SPOCK3: variants seen among roughly 807,000 people sequenced by gnomAD.
The protein encoded by SPOCK3 is testican-3.
A neutral mutation model predicts 56.6 loss-of-function variants in SPOCK3; 30 were observed. The ratio of observed to expected loss-of-function variants is 0.53; its 90% CI spans 0.40 to 0.72. SPOCK3 has a LOEUF of 0.72. SPOCK3 is among the 30% of genes least tolerant of loss of function. SPOCK3 has a pLI of 0.00. For missense variants in SPOCK3, 527 were observed against 530.0 expected (o/e 0.99, Z 0.06); for synonymous variants, 196 against 183.3 (o/e 1.07, Z -0.56).
chr4:166,822,250 GT>G (rs944528769), intron 6 of SPOCK3, among the ~76,000 whole-genome samples: 59 of 152,002 alleles, frequency 3.9e-4, no homozygotes, highest in Admixed American at 2.2e-3. Flanking sequence ...TCTTATCCTT[GT>G]TTTCCCGCTG....
At chr4:166,927,876 C>G (rs1739296753) in intron 4 of SPOCK3, among the ~76,000 whole-genome samples, 1 of 151,860 alleles carries the variant, frequency 6.6e-6, no homozygotes, top group Non-Finnish European at 1.5e-5. Context: ...ATATAAAAAA[C>G]TCAACAATAA....
intron 3 of SPOCK3, among the ~76,000 whole-genome samples, chr4:167,042,440 GGAGTTTGTGAAACTATAAAGTTCAGA>G (rs1364372016): frequency 6.6e-6 from 1 of 152,144 alleles, no homozygotes; most frequent in Non-Finnish European, 1.5e-5. Context: ...CATATGATGT[GGAGTTTGTGAAACTATAAAGTTCAGA>G]GATCCAGGCA....
At chr4:167,138,304 C>T (rs1763275276) in intron 2 of SPOCK3, among the ~76,000 whole-genome samples, 1 of 151,784 alleles carries the variant, frequency 6.6e-6, no homozygotes, top group African/African-American at 2.4e-5. Context: ...ACTATTTTTC[C>T]TTCAATGTTT....
At chr4:167,059,423 A>G (rs1185072959) in intron 3 of SPOCK3, among the ~76,000 whole-genome samples, 1 of 152,058 alleles carries the variant, frequency 6.6e-6, no homozygotes. Context: ...ACTGGCCATC[A>G]GAGAAATGCA....
At chr4:166,736,350 A>T (rs556769625) in intron 10 of SPOCK3, among the ~76,000 whole-genome samples, 15 of 152,276 alleles carry the variant, frequency 9.9e-5, no homozygotes, top group African/African-American at 3.6e-4. Flanking sequence ...ATTAATTTAT[A>T]ATGCAACTAC....
chr4:166,763,821 C>T (rs902928033), intron 7 of SPOCK3, among the ~76,000 whole-genome samples: 7 of 152,044 alleles, frequency 4.6e-5, no homozygotes, highest in African/African-American at 1.7e-4. Context: ...TTTGGTATTG[C>T]TGCTGTAATA....
intron 3 of SPOCK3, among the ~76,000 whole-genome samples, chr4:167,005,629 G>C (rs1204609821): frequency 6.6e-6 from 1 of 151,614 alleles, no homozygotes. Flanking sequence ...TATATACTTT[G>C]TGCAAACCCT....
chr4:166,783,301 G>T (rs1337233224), intron 7 of SPOCK3, among the ~76,000 whole-genome samples: 3 of 152,124 alleles, frequency 2.0e-5, no homozygotes, highest in African/African-American at 7.2e-5. Flanking sequence ...GGTGGTTGCA[G>T]TGAGCTGAGA....
intron 5 of SPOCK3, among the ~76,000 whole-genome samples, chr4:166,908,789 C>A (rs1736915058): frequency 6.6e-6 from 1 of 151,940 alleles, no homozygotes; most frequent in East Asian, 1.9e-4. Context: ...GGAAATACAT[C>A]CATGATCTAA....
chr4:167,198,995 G>T (rs1035073463), intron 2 of SPOCK3, among the ~76,000 whole-genome samples: 1 of 151,948 alleles, frequency 6.6e-6, no homozygotes. Context: ...TATTCATATT[G>T]CATTGGCCAT....
intron 2 of SPOCK3, among the ~76,000 whole-genome samples, chr4:167,222,550 A>G (rs544124173): frequency 1.5e-5 from 2 of 136,498 alleles, no homozygotes; most frequent in South Asian, 4.3e-4. Flanking sequence ...ATATATGAAT[A>G]TATAATATAT....
At chr4:166,902,943 T>C (rs1560991018) in intron 5 of SPOCK3, among the ~76,000 whole-genome samples, 1 of 150,798 alleles carries the variant, frequency 6.6e-6, no homozygotes, top group Non-Finnish European at 1.5e-5. Flanking sequence ...TAATAATTTG[T>C]CTCTAACAAT....
At chr4:167,042,630 T>C (rs1281723494) in intron 3 of SPOCK3, among the ~76,000 whole-genome samples, 1 of 151,912 alleles carries the variant, frequency 6.6e-6, no homozygotes, top group Non-Finnish European at 1.5e-5. Context: ...ACCTGAAAAG[T>C]AATTCATATT....
intron 2 of SPOCK3, among the ~76,000 whole-genome samples, chr4:167,171,907 C>A (rs1015411405): frequency 2.6e-5 from 4 of 151,082 alleles, no homozygotes; most frequent in Admixed American, 6.6e-5. Context: ...ATTACCACCC[C>A]CCACTCCCCC....
At position 167,155,922 on chromosome 4, in the gene SPOCK3, C is replaced by T. The variant is rs138664856; in HGVS notation, c.189+78063G>A. ...TTGATAGGTGCAGCAAACCACCATG[C>T]ATATGTATACCTTCGTAACAAAACT... is the stretch of plus-strand genomic sequence containing the variant. On this transcript the variant is annotated intron_variant, in intron 2 of 10. Transcript: ENST00000357545. 2.0e-5 allele frequency among the ~76,000 whole-genome samples: 3 copies of T among 151,966 alleles called. No individual in the cohort carries two copies. In the East Asian group the frequency reaches 5.8e-4, roughly 29 times the overall value.
chr4:167,198,961 C>A (rs1269103438), intron 2 of SPOCK3, among the ~76,000 whole-genome samples: 1 of 152,068 alleles, frequency 6.6e-6, no homozygotes, highest in South Asian at 2.1e-4. Flanking sequence ...AAACACCCAT[C>A]ATTTTTTATG....
At chr4:166,932,889 T>C (rs1193572759) in intron 4 of SPOCK3, among the ~76,000 whole-genome samples, 5 of 152,162 alleles carry the variant, frequency 3.3e-5, no homozygotes, top group Non-Finnish European at 5.9e-5. Flanking sequence ...GAAAGATTTA[T>C]TGTGTGTCTA....
chr4:166,945,110 T>C (rs1561038493), intron 4 of SPOCK3, among the ~76,000 whole-genome samples: 1 of 152,184 alleles, frequency 6.6e-6, no homozygotes, highest in Middle Eastern at 3.2e-3. Context: ...TGGCTCATGT[T>C]GTTAACTTTG....
chr4:167,132,548 C>G (rs925571582), intron 2 of SPOCK3, among the ~76,000 whole-genome samples: 1 of 152,236 alleles, frequency 6.6e-6, no homozygotes, highest in Middle Eastern at 3.4e-3. Flanking sequence ...TATTTCTGAA[C>G]TTTGAAATTT....
Sources: allele counts gnomAD v4.1 joint callset (sites outside exome capture counted in the v4.1 genomes callset), GRCh38; gene constraint gnomAD v4.1.1; transcripts MANE v1.5; gene names NCBI Gene and HGNC (gene_info 2026-07-23, HGNC 2026-07-21).